The following LCLAT1 variants were observed in gnomAD, a reference collection of about 807,000 sequenced individuals.
LCLAT1 encodes 1-AGP acyltransferase 8.
LCLAT1 carries 11 observed loss-of-function variants against 30.7 expected under a neutral mutation model. The ratio of observed to expected loss-of-function variants is 0.36; its 90% CI spans 0.23 to 0.59. The LOEUF is 0.59. Among genes scored for constraint, LCLAT1 ranks in the 20% least tolerant of loss-of-function variants. The pLI is 0.77. For synonymous variants in LCLAT1, 155 were observed against 151.3 expected (o/e 1.02, Z -0.18); for missense variants, 402 against 458.6 (o/e 0.88, Z 1.13).
chr2:30,499,236 G>A (rs1172029899), intron 1 of LCLAT1, among the ~76,000 whole-genome samples: 1 of 152,172 alleles, frequency 6.6e-6, no homozygotes, highest in East Asian at 1.9e-4. Context: ...CTGGAGTGAA[G>A]TGGTGCAGTC....
intron 5 of LCLAT1, among the ~76,000 whole-genome samples, chr2:30,619,247 C>T (rs527691557): frequency 1.3e-5 from 2 of 152,154 alleles, no homozygotes; most frequent in African/African-American, 2.4e-5. Flanking sequence ...ATAAAAATTT[C>T]GCTAGTAATT....
intron 5 of LCLAT1, among the ~76,000 whole-genome samples, chr2:30,601,575 C>T (rs529174944): frequency 2.0e-5 from 3 of 151,870 alleles, no homozygotes; most frequent in Non-Finnish European, 4.4e-5. Flanking sequence ...CAGTTGATAT[C>T]CCACCAACAA....
intron 3 of LCLAT1, among the ~76,000 whole-genome samples, chr2:30,557,437 A>C (rs1380858460): frequency 6.6e-6 from 1 of 150,958 alleles, no homozygotes; most frequent in Non-Finnish European, 1.5e-5. Flanking sequence ...TTTTTGAGGC[A>C]AAGTTTCACT....
At chr2:30,488,899 A>G (rs1205901326) in intron 1 of LCLAT1, among the ~76,000 whole-genome samples, 4 of 152,250 alleles carry the variant, frequency 2.6e-5, no homozygotes, top group Non-Finnish European at 1.5e-5. Flanking sequence ...CTTGCCCATA[A>G]GGACATTCTT....
chr2:30,550,865 A>C (rs1211124015), intron 3 of LCLAT1, among the ~76,000 whole-genome samples: 2 of 152,120 alleles, frequency 1.3e-5, no homozygotes, highest in African/African-American at 4.8e-5. Flanking sequence ...CCATTTATTT[A>C]ATTAGTAATT....
At chr2:30,520,658 A>C (rs1365269114) in intron 1 of LCLAT1, among the ~76,000 whole-genome samples, 4 of 152,218 alleles carry the variant, frequency 2.6e-5, no homozygotes, top group Non-Finnish European at 5.9e-5. Context: ...TATATGAAAC[A>C]GTGCCTGAAA....
At chr2:30,611,225 T>C (rs1246270261) in intron 5 of LCLAT1, among the ~76,000 whole-genome samples, 1 of 152,140 alleles carries the variant, frequency 6.6e-6, no homozygotes, top group Non-Finnish European at 1.5e-5. Flanking sequence ...CATTGCTCTA[T>C]GTGAACATGA....
chr2:30,545,850 G>A (rs1267914277), intron 3 of LCLAT1, among the ~76,000 whole-genome samples: 2 of 152,092 alleles, frequency 1.3e-5, no homozygotes, highest in African/African-American at 4.8e-5. Flanking sequence ...GGTTTCTCTG[G>A]ATCATTAATC....
Position 30,630,941 on chromosome 2 carries a change from G to A in LCLAT1, c.629-9176G>A, listed in dbSNP as rs957592914. Among the ~76,000 whole-genome samples the A allele has an allele frequency of 5.3e-5, 8 of 152,184 alleles. No homozygotes were observed. The East Asian group carries it at 9.6e-4, about 18-fold the overall frequency. ...ATAGAACACTCAAAAGAAATAGAAA[G>A]CCTGTTCAAAAACAGAAAATGCCAA... is the stretch of plus-strand genomic sequence containing the variant. On this transcript the variant is annotated intron_variant, in intron 5 of 5. Transcript: ENST00000379509.
chr2:30,490,721 A>T (rs899604635), intron 1 of LCLAT1, among the ~76,000 whole-genome samples: 5 of 152,218 alleles, frequency 3.3e-5, no homozygotes, highest in African/African-American at 1.2e-4. Flanking sequence ...TTTTCAACAA[A>T]TTTAATACAG....
In LCLAT1 at chr2:30,533,305, C is replaced by G. The variant is rs1686072406; in HGVS notation, c.355C>G (p.Pro119Ala). ...CCTCAAAGCGAGTCTCAAAGGTGTT[C>G]CTGGATTTGGTAGGTTATTCACACA... is the stretch of plus-strand genomic sequence containing the variant. ...ICLKASLKGV[P>A]GFGWAMQAAA... The change falls in exon 3 of 6, where the codon CCT (proline) becomes GCT (alanine). Residue 119 changes from proline to alanine, a missense_variant. Pro to Ala is a conservative substitution (Grantham distance 27). Transcript: ENST00000379509. 6.2e-7 allele frequency: 1 copy of G among 1,613,722 alleles called. No individual in the cohort carries two copies. The highest frequency in any genetic ancestry group is 8.5e-7 in the Non-Finnish European group (1 of 1,179,694).
intron 3 of LCLAT1, among the ~76,000 whole-genome samples, chr2:30,538,726 A>G (rs1345813032): frequency 8.6e-6 from 1 of 116,154 alleles, no homozygotes; most frequent in Non-Finnish European, 1.9e-5. Context: ...CAGAAATACA[A>G]AAGATCATTA....
At chr2:30,552,396 C>G in intron 3 of LCLAT1, 1 of 322,850 alleles carries the variant, frequency 3.1e-6, no homozygotes, top group East Asian at 8.4e-5. Flanking sequence ...TTTGGTGTGT[C>G]AAGTTTGAAA....
At chr2:30,597,736 A>T (rs1016472495) in intron 5 of LCLAT1, among the ~76,000 whole-genome samples, 2 of 152,180 alleles carry the variant, frequency 1.3e-5, no homozygotes, top group Admixed American at 1.3e-4. Flanking sequence ...TTCAAGGGGA[A>T]TGCTTCCAGC....
intron 3 of LCLAT1, among the ~76,000 whole-genome samples, chr2:30,537,924 A>G (rs1663872032): frequency 6.6e-6 from 1 of 152,170 alleles, no homozygotes; most frequent in Non-Finnish European, 1.5e-5. Context: ...TAATAACAAG[A>G]GGAAATTTGG....
chr2:30,462,062 G>A (rs1339374939), intron 1 of LCLAT1, among the ~76,000 whole-genome samples: 4 of 151,982 alleles, frequency 2.6e-5, no homozygotes, highest in South Asian at 4.1e-4. Context: ...GTGAGCCACC[G>A]CGCCCGGCCT....
At chr2:30,563,619 G>T (rs6742360) in intron 4 of LCLAT1, among the ~76,000 whole-genome samples, 13,891 of 152,202 alleles carry the variant, frequency 0.091, 1,229 homozygotes, top group African/African-American at 0.23. Context: ...AGTAGTATGG[G>T]CAGGTAGAAC....
intron 1 of LCLAT1, among the ~76,000 whole-genome samples, chr2:30,452,077 G>A (rs1243134967): frequency 6.6e-6 from 1 of 152,200 alleles, no homozygotes; most frequent in Non-Finnish European, 1.5e-5. Context: ...TGGGTTGGTG[G>A]TGGTGGTAAT....
At chr2:30,490,094 C>A (rs1362094141) in intron 1 of LCLAT1, among the ~76,000 whole-genome samples, 1 of 152,014 alleles carries the variant, frequency 6.6e-6, no homozygotes, top group Non-Finnish European at 1.5e-5. Context: ...TTTTTTACAA[C>A]TGAGGAAGTA....
Sources: allele counts gnomAD v4.1 joint callset (sites outside exome capture counted in the v4.1 genomes callset), GRCh38; gene constraint gnomAD v4.1.1; transcripts MANE v1.5; gene names NCBI Gene and HGNC (gene_info 2026-07-23, HGNC 2026-07-21).